The following NSG2 variants were observed in gnomAD, a reference collection of about 807,000 sequenced individuals.
NSG2 encodes neuronal vesicle trafficking-associated protein 2.
NSG2 carries 4 observed loss-of-function variants against 16.9 expected under a neutral mutation model. The observed-to-expected ratio is 0.24, with a 90% confidence interval of 0.12 to 0.54. NSG2 has a LOEUF of 0.54. Ranked by LOEUF, NSG2 falls within the 20% of genes least tolerant of loss-of-function variation. The pLI is 0.95. For synonymous variants in NSG2, 98 were observed against 88.7 expected (o/e 1.11, Z -0.59); for missense variants, 179 against 221.1 (o/e 0.81, Z 1.21).
At chr5:174,084,962 G>A (rs912056789) in intron 3 of NSG2, among the ~76,000 whole-genome samples, 2 of 152,166 alleles carry the variant, frequency 1.3e-5, no homozygotes, top group Non-Finnish European at 2.9e-5. Flanking sequence ...GGATGTGCAC[G>A]TCCATCTTTT....
chr5:174,051,836 T>C (rs1759894085), intron 2 of NSG2, among the ~76,000 whole-genome samples: 1 of 152,188 alleles, frequency 6.6e-6, no homozygotes, highest in Non-Finnish European at 1.5e-5. Flanking sequence ...GGGACCTAAT[T>C]ATAATGACAA....
In NSG2 at chr5:174,059,254, T is replaced by C. The variant is rs565061028; in HGVS notation, c.130-4978T>C. ...CTAATTTCTTTTGTTCAATGTAATG[T>C]CTATGAAATTCATCAATGTATATGT... On this transcript the variant is annotated intron_variant, in intron 2 of 4. Coordinates refer to ENST00000303177, the MANE Select transcript of NSG2 (RefSeq NM_015980.5). 2.6e-5 allele frequency among the ~76,000 whole-genome samples: 4 copies of C among 152,342 alleles called. 1 individual carries two copies. Among genetic ancestry groups the C allele is most frequent in the African/African-American group, 9.6e-5 (4 of 41,582 alleles).
intron 2 of NSG2, among the ~76,000 whole-genome samples, chr5:174,055,375 C>T (rs1293598135): frequency 2.0e-5 from 3 of 151,992 alleles, no homozygotes; most frequent in Admixed American, 6.5e-5. Context: ...GGGCGGATCA[C>T]GAGGTCAGGA....
At chr5:174,106,873 G>T (rs538767740) in intron 4 of NSG2, among the ~76,000 whole-genome samples, 2 of 152,064 alleles carry the variant, frequency 1.3e-5, no homozygotes, top group Non-Finnish European at 2.9e-5. Context: ...AATTACAGGC[G>T]TGAGCCACCG....
intron 3 of NSG2, among the ~76,000 whole-genome samples, chr5:174,068,749 TGGTG>T (rs1427866083): frequency 7.8e-6 from 1 of 128,406 alleles, no homozygotes; most frequent in African/African-American, 3.0e-5. Flanking sequence ...TGGAAGGTGC[TGGTG>T]CTGTGGAAGG....
intron 3 of NSG2, among the ~76,000 whole-genome samples, chr5:174,097,984 C>CCCA (rs1217680857): frequency 1.3e-5 from 2 of 152,032 alleles, no homozygotes; most frequent in Non-Finnish European, 2.9e-5. Context: ...GGGTGCGACT[C>CCCA]GCTTGCTGCC....
chr5:174,084,860 G>A (rs999777899), intron 3 of NSG2, among the ~76,000 whole-genome samples: 2 of 152,214 alleles, frequency 1.3e-5, no homozygotes, highest in Non-Finnish European at 2.9e-5. Flanking sequence ...GCTCTGTGGC[G>A]ATGTCTCTGT....
intron 3 of NSG2, among the ~76,000 whole-genome samples, chr5:174,071,411 C>T (rs536761352): frequency 1.3e-5 from 2 of 152,268 alleles, no homozygotes; most frequent in African/African-American, 2.4e-5. Flanking sequence ...TGCTTGAACC[C>T]GAGAGGTGCG....
At position 174,046,844 on chromosome 5, in the gene NSG2, C is replaced by T. The variant is rs368992677; in HGVS notation, c.89C>T (p.Pro30Leu). Reference protein sequence around the residue: ...DGFQTVPLITPLEVNHLQLPA... With the variant: ...DGFQTVPLITLLEVNHLQLPA... ...TTCCAGACCGTCCCTCTCATCACTC[C>T]CTTGGAGGTTAATCACTTACAGCTG... The change falls in exon 2 of 5, where the codon CCC becomes CTC. Residue 30 changes from proline to leucine, a missense_variant. By Grantham distance (98) the Pro-to-Leu change is moderately conservative. Transcript: ENST00000303177. 1 of 1,613,982 alleles carries T rather than the reference C, an allele frequency of 6.2e-7. No individual in the cohort carries two copies. The highest frequency in any genetic ancestry group is 1.3e-5 in the African/African-American group (1 of 74,876).
chr5:174,048,573 G>A (rs556418339), intron 2 of NSG2, among the ~76,000 whole-genome samples: 31 of 152,278 alleles, frequency 2.0e-4, no homozygotes, highest in Middle Eastern at 3.4e-3. Flanking sequence ...GCTTTATGAG[G>A]CCAACAGCTA....
intron 3 of NSG2, among the ~76,000 whole-genome samples, chr5:174,084,859 C>T (rs1042322076): frequency 2.0e-5 from 3 of 152,278 alleles, no homozygotes; most frequent in Admixed American, 6.5e-5. Flanking sequence ...TGCTCTGTGG[C>T]GATGTCTCTG....
Position 174,046,860 on chromosome 5 carries a change from C to G in NSG2, c.105C>G (p.His35Gln). 1 of 1,614,144 alleles carries G rather than the reference C, an allele frequency of 6.2e-7. No individual in the cohort carries two copies. Among genetic ancestry groups the G allele is most frequent in the Non-Finnish European group, 8.5e-7 (1 of 1,180,020 alleles). ...VPLITPLEVNHLQLPAPEKVI... is the reference protein window; with the variant it reads ...VPLITPLEVNQLQLPAPEKVI... ...TCATCACTCCCTTGGAGGTTAATCA[C>G]TTACAGCTGCCTGCTCCAGAAAAGG... The change falls in exon 2 of 5, where the codon CAC becomes CAG. Residue 35 changes from histidine (H) to glutamine (Q), a missense_variant. Physicochemically the swap from His to Gln is conservative, Grantham distance 24. Transcript: ENST00000303177.
At chr5:174,061,378 C>G (rs2113430824) in intron 2 of NSG2, among the ~76,000 whole-genome samples, 1 of 152,288 alleles carries the variant, frequency 6.6e-6, no homozygotes, top group Admixed American at 6.5e-5. Context: ...TTCATTTGGT[C>G]CATCCCAGAA....
chr5:174,061,217 A>G (rs1163421834), intron 2 of NSG2, among the ~76,000 whole-genome samples: 1 of 152,240 alleles, frequency 6.6e-6, no homozygotes, highest in African/African-American at 2.4e-5. Flanking sequence ...GAATATTTCT[A>G]AAATCGTGGA....
At chr5:174,099,082 G>A (rs1457589116) in intron 3 of NSG2, among the ~76,000 whole-genome samples, 1 of 152,102 alleles carries the variant, frequency 6.6e-6, no homozygotes, top group South Asian at 2.1e-4. Context: ...CCGGCATGGC[G>A]GGAGCTTTGT....
At chr5:174,104,447 G>A (rs1167514965) in intron 4 of NSG2, 109 bp downstream of exon 4, 15 of 754,086 alleles carry the variant, frequency 2.0e-5, no homozygotes, top group African/African-American at 1.4e-4. Context: ...CCTCTCTACC[G>A]ACTGTTTAAA....
At chr5:174,068,157 T>A (rs920502851) in intron 3 of NSG2, among the ~76,000 whole-genome samples, 6 of 152,150 alleles carry the variant, frequency 3.9e-5, no homozygotes, top group Non-Finnish European at 5.9e-5. Context: ...CCCTTCTCAT[T>A]CCAATCCCTT....
chr5:174,049,445 GCACACA>G (rs200024973), intron 2 of NSG2, among the ~76,000 whole-genome samples: 1 of 150,306 alleles, frequency 6.7e-6, no homozygotes, highest in African/African-American at 2.5e-5. Context: ...ACGCGCACGT[GCACACA>G]CACACACACA....
chr5:174,049,441 ACG>A (rs200304490), intron 2 of NSG2, among the ~76,000 whole-genome samples: 3,547 of 152,028 alleles, frequency 0.023, 56 homozygotes, highest in Middle Eastern at 0.058. Flanking sequence ...GTGCACGCGC[ACG>A]TGCACACACA....
Sources: allele counts gnomAD v4.1 joint callset (sites outside exome capture counted in the v4.1 genomes callset), GRCh38; gene constraint gnomAD v4.1.1; transcripts MANE v1.5; gene names NCBI Gene and HGNC (gene_info 2026-07-23, HGNC 2026-07-21).